Variants in EYS observed in about 807,000 individuals in gnomAD.
The protein encoded by EYS is protein eyes shut homolog.
A neutral mutation model predicts 282.1 loss-of-function variants in EYS; 250 were observed. The observed-to-expected ratio is 0.89, with a 90% CI of 0.80 to 0.98. The LOEUF (loss-of-function observed/expected upper bound fraction) is 0.98. Among genes scored for constraint, EYS ranks in the 50% least tolerant of loss-of-function variants. EYS has a pLI of 0.00. For synonymous variants in EYS, 1,355 were observed against 1,282.9 expected (o/e 1.06, Z -1.20); for missense variants, 4,016 against 3,709.0 (o/e 1.08, Z -2.15).
chr6:64,433,186 T>C (rs180871956), intron 28 of EYS, among the ~76,000 whole-genome samples: 57 of 152,164 alleles, frequency 3.7e-4, no homozygotes, highest in Non-Finnish European at 1.6e-4. Context: ...GTCCTTTTTC[T>C]TCCCAGTTCT....
At chr6:65,582,100 G>A (rs1351581200) in intron 2 of EYS, among the ~76,000 whole-genome samples, 1 of 151,662 alleles carries the variant, frequency 6.6e-6, no homozygotes, top group African/African-American at 2.4e-5. Flanking sequence ...GGAGGCTGAG[G>A]CAGGACAATC....
At chr6:65,140,728 G>A (rs2150208422) in intron 12 of EYS, among the ~76,000 whole-genome samples, 1 of 152,144 alleles carries the variant, frequency 6.6e-6, no homozygotes, top group Admixed American at 6.6e-5. Context: ...GCAGCCAAAA[G>A]ACACGTGAAA....
intron 30 of EYS, among the ~76,000 whole-genome samples, chr6:64,236,201 C>T (rs1256839640): frequency 1.3e-5 from 2 of 152,190 alleles, no homozygotes; most frequent in Admixed American, 1.3e-4. Context: ...TCTCTATCTC[C>T]TGACCTTGTG....
chr6:64,792,093 C>T (rs530255963), intron 22 of EYS, among the ~76,000 whole-genome samples: 2 of 151,914 alleles, frequency 1.3e-5, no homozygotes, highest in South Asian at 4.1e-4. Flanking sequence ...ATGACTGACT[C>T]AATTTTCTCA....
intron 26 of EYS, among the ~76,000 whole-genome samples, chr6:64,534,855 A>G (rs1166460199): frequency 1.3e-5 from 2 of 151,872 alleles, no homozygotes; most frequent in Admixed American, 6.6e-5. Context: ...AGCTAGTGAT[A>G]TTGGCAAACT....
At chr6:63,971,296 A>G (rs1260068352) in intron 35 of EYS, among the ~76,000 whole-genome samples, 2 of 152,226 alleles carry the variant, frequency 1.3e-5, no homozygotes, top group Non-Finnish European at 2.9e-5. Flanking sequence ...CATCTGACTA[A>G]CATGTTAAAA....
chr6:64,358,958 A>G (rs1211123089), intron 29 of EYS, among the ~76,000 whole-genome samples: 1 of 151,710 alleles, frequency 6.6e-6, no homozygotes, highest in Non-Finnish European at 1.5e-5. Flanking sequence ...TTCATACAAT[A>G]TCCTATTTTT....
At chr6:65,478,080 G>A (rs1046058828) in intron 5 of EYS, among the ~76,000 whole-genome samples, 3 of 152,128 alleles carry the variant, frequency 2.0e-5, no homozygotes, top group South Asian at 2.1e-4. Flanking sequence ...AATTTGAATC[G>A]ATCACAGGCT....
intron 30 of EYS, among the ~76,000 whole-genome samples, chr6:64,306,156 A>T (rs1057509780): frequency 6.6e-6 from 1 of 152,170 alleles, no homozygotes; most frequent in African/African-American, 2.4e-5. Flanking sequence ...AATGCAAATC[A>T]AAACTGTGAG....
At chr6:64,693,360 T>C (rs1178243928) in intron 22 of EYS, among the ~76,000 whole-genome samples, 2 of 152,052 alleles carry the variant, frequency 1.3e-5, no homozygotes, top group Non-Finnish European at 2.9e-5. Flanking sequence ...TTTATAATAA[T>C]GTTAGAGGAT....
rs191746593 is a variant in EYS, at chr6:64,848,016, T to C, written c.2993-25194A>G. On this transcript the variant is annotated intron_variant, in intron 19 of 42. Coordinates refer to ENST00000503581, the MANE Select transcript of EYS (RefSeq NM_001142800.2). ...TTTGCATATTTTCCTAATACAGTAG[T>C]ATAGATAGTTTATTTGTCTATAAAT... is the stretch of plus-strand genomic sequence containing the variant. Among the ~76,000 whole-genome samples, 375 of 152,202 alleles carry C rather than the reference T, an allele frequency of 2.5e-3. 1 individual carries two copies. The highest frequency in any genetic ancestry group is 4.1e-3 in the Admixed American group (62 of 15,232).
intron 8 of EYS, among the ~76,000 whole-genome samples, chr6:65,371,810 C>A (rs1241949852): frequency 4.4e-5 from 6 of 136,420 alleles, no homozygotes; most frequent in African/African-American, 1.4e-4. Context: ...GAGAGAGGGA[C>A]AGACAGAATG....
At position 65,384,452 on chromosome 6, in the gene EYS, G is replaced by T; in HGVS notation, c.1233C>A (p.His411Gln). ...TEKNCEKAID[H>Q]CKLLSINCLN... ...GACAGTTGATGCTGAGCAGTTTACAGTGGTCAATTGCTTTCTCACAGTTTT... is the reference window on the plus strand; with the variant it reads ...GACAGTTGATGCTGAGCAGTTTACATTGGTCAATTGCTTTCTCACAGTTTT... The change falls in exon 8 of 43, where the codon CAC (histidine) becomes CAA (glutamine). Residue 411 changes from histidine (H) to glutamine (Q), a missense_variant. Physicochemically the swap from His to Gln is conservative, Grantham distance 24. Transcript: ENST00000503581. 6.2e-7 allele frequency: 1 copy of T among 1,609,084 alleles called. No homozygotes were observed. The highest frequency in any genetic ancestry group is 8.5e-7 in the Non-Finnish European group (1 of 1,177,208).
chr6:64,695,938 T>C (rs530528598), intron 22 of EYS, among the ~76,000 whole-genome samples: 1 of 152,180 alleles, frequency 6.6e-6, no homozygotes, highest in Non-Finnish European at 1.5e-5. Context: ...GTCATAATAC[T>C]GGAAGTATTT....
chr6:63,937,443 C>G (rs569373550), intron 35 of EYS, among the ~76,000 whole-genome samples: 1 of 129,246 alleles, frequency 7.7e-6, no homozygotes, highest in East Asian at 2.5e-4. Flanking sequence ...TGCAGTGGCT[C>G]GATCTCGGCT....
chr6:65,088,199 C>T lies in EYS; in HGVS notation c.2024-30472G>A, dbSNP rs562674337. Among the ~76,000 whole-genome samples, 383 of 152,238 alleles carry T rather than the reference C, an allele frequency of 2.5e-3. 5 individuals are homozygous for T. Among genetic ancestry groups the T allele is most frequent in the Middle Eastern group, 0.01 (3 of 294 alleles). On this transcript the variant is annotated intron_variant, in intron 12 of 42. Transcript: ENST00000503581. ...GTGAGAATGGACTAATACAGTAAAT[C>T]GGTACCACAGAGAGTGGGGTACTGC... is the stretch of plus-strand genomic sequence containing the variant.
intron 8 of EYS, among the ~76,000 whole-genome samples, chr6:65,360,945 T>G (rs1764680240): frequency 6.6e-6 from 1 of 152,110 alleles, no homozygotes; most frequent in African/African-American, 2.4e-5. Context: ...AAATGCAATC[T>G]TTTCCATATT....
intron 34 of EYS, among the ~76,000 whole-genome samples, chr6:63,986,994 A>T (rs1767397737): frequency 6.6e-6 from 1 of 151,706 alleles, no homozygotes; most frequent in Non-Finnish European, 1.5e-5. Context: ...TTTATAGAAA[A>T]TTAGTAGAAT....
intron 12 of EYS, among the ~76,000 whole-genome samples, chr6:65,128,923 G>T (rs1775791259): frequency 6.6e-6 from 1 of 151,802 alleles, no homozygotes; most frequent in African/African-American, 2.4e-5. Context: ...TATGCTACAA[G>T]GCTGCAGTAA....
Sources: allele counts gnomAD v4.1 joint callset (sites outside exome capture counted in the v4.1 genomes callset), GRCh38; gene constraint gnomAD v4.1.1; transcripts MANE v1.5; gene names NCBI Gene and HGNC (gene_info 2026-07-23, HGNC 2026-07-21).